UNC93A: variants seen among roughly 807,000 people sequenced by gnomAD.
UNC93A encodes the protein unc-93 homolog A, also known as N-acetylglucosamine transporter UNC93A.
UNC93A carries 43 observed loss-of-function variants against 47.5 expected under a neutral mutation model. The observed-to-expected ratio is 0.91, with a 90% CI of 0.71 to 1.17. The LOEUF is 1.17. Among genes scored for constraint, UNC93A ranks in the 50% most tolerant of loss-of-function variants. UNC93A has a pLI of 0.00. For missense variants in UNC93A, 605 were observed against 577.6 expected (o/e 1.05, Z -0.49); for synonymous variants, 280 against 258.0 (o/e 1.09, Z -0.82).
At chr6:167,305,332 G>A (rs1778353386) in intron 5 of UNC93A, among the ~76,000 whole-genome samples, 1 of 152,116 alleles carries the variant, frequency 6.6e-6, no homozygotes, top group Non-Finnish European at 1.5e-5. Context: ...TGGCGTTTTG[G>A]GGACAGCCCC....
At chr6:167,304,273 C>T (rs575073405) in intron 5 of UNC93A, 140 bp downstream of exon 5, 4 of 840,774 alleles carry the variant, frequency 4.8e-6, no homozygotes, top group Non-Finnish European at 7.6e-6. Flanking sequence ...CCTATGCTCC[C>T]AGTGCTACCA....
chr6:167,311,902 C>A (rs1778564890), intron 7 of UNC93A, among the ~76,000 whole-genome samples: 1 of 152,204 alleles, frequency 6.6e-6, no homozygotes, highest in South Asian at 2.1e-4. Flanking sequence ...ACGGCACATT[C>A]GTACAGCTAG....
intron 1 of UNC93A, among the ~76,000 whole-genome samples, chr6:167,292,537 C>T (rs1234522390): frequency 6.6e-6 from 1 of 152,138 alleles, no homozygotes; most frequent in Non-Finnish European, 1.5e-5. Context: ...GTAATGTTTC[C>T]TTTTGCTGAA....
chr6:167,298,525 CTT>C (rs373731342), intron 4 of UNC93A, among the ~76,000 whole-genome samples: 20 of 144,172 alleles, frequency 1.4e-4, no homozygotes, highest in African/African-American at 4.6e-4. Flanking sequence ...CTATAAGCCA[CTT>C]TTTTTTTTTT....
upstream of UNC93A, among the ~76,000 whole-genome samples, chr6:167,287,756 T>C: frequency 6.6e-6 from 1 of 152,068 alleles, no homozygotes; most frequent in Non-Finnish European, 1.5e-5. Context: ...TGTGTGTGTG[T>C]GTGCACTGTG....
intron 6 of UNC93A, 124 bp from the exon 7 acceptor site, chr6:167,307,655 C>T (rs570342716): frequency 1.3e-4 from 160 of 1,212,606 alleles, no homozygotes; most frequent in Middle Eastern, 2.2e-4. Context: ...ATGGTTGAGA[C>T]GGTTCCAGAG....
At chr6:167,284,384 A>G (rs907328459) in intron 1 of UNC93A, among the ~76,000 whole-genome samples, 10 of 152,168 alleles carry the variant, frequency 6.6e-5, no homozygotes, top group Non-Finnish European at 8.8e-5. Flanking sequence ...ATAAATCAAG[A>G]CACTCAGTTC....
rs567109207 is a variant in UNC93A, at chr6:167,282,166, G to A, written c.-51-9273G>A. Among the ~76,000 whole-genome samples the A allele has an allele frequency of 7.9e-5, 12 of 152,292 alleles. No individual in the cohort carries two copies. The South Asian group carries it at 2.3e-3, about 29-fold the overall frequency. ...ACGGTAGACAAGTTTCAGACAGGGTGATGTAGAGCTGGGGGATGCCTCAGT... is the reference window on the plus strand; with the variant it reads ...ACGGTAGACAAGTTTCAGACAGGGTAATGTAGAGCTGGGGGATGCCTCAGT... On this transcript the variant is annotated intron_variant, in intron 1 of 3. Transcript: ENST00000503433.
intron 5 of UNC93A, 41 bp downstream of exon 5, chr6:167,304,174 G>A (rs1583086727): frequency 1.9e-6 from 3 of 1,605,790 alleles, no homozygotes; most frequent in South Asian, 1.1e-5. Context: ...GGCCATGCGT[G>A]GCATCACTGC....
chr6:167,302,823 G>T (rs1778279117), intron 4 of UNC93A, among the ~76,000 whole-genome samples: 1 of 152,182 alleles, frequency 6.6e-6, no homozygotes, highest in African/African-American at 2.4e-5. Context: ...GTGACCTGAG[G>T]CTAGCTGCGG....
chr6:167,284,844 A>G (rs1277733148), intron 1 of UNC93A, among the ~76,000 whole-genome samples: 1 of 150,248 alleles, frequency 6.7e-6, no homozygotes, highest in Non-Finnish European at 1.5e-5. Context: ...GCTTGAGAAC[A>G]TTGGGAGATC....
chr6:167,293,394 G>A (rs556084800), intron 1 of UNC93A, among the ~76,000 whole-genome samples: 91 of 152,260 alleles, frequency 6.0e-4, no homozygotes, highest in African/African-American at 2.1e-3. Flanking sequence ...ACCCTGGTTC[G>A]AGGCCCCACC....
At chr6:167,296,822 C>CTCTGCCCCTGT (rs1458440069) in intron 3 of UNC93A, among the ~76,000 whole-genome samples, 22 of 152,204 alleles carry the variant, frequency 1.4e-4, no homozygotes, top group African/African-American at 5.3e-4. Flanking sequence ...GCTTTAAGCA[C>CTCTGCCCCTGT]AGGGCAGAGG....
chr6:167,293,955 C>T (rs779817078), intron 1 of UNC93A, among the ~76,000 whole-genome samples: 13 of 152,184 alleles, frequency 8.5e-5, no homozygotes, highest in African/African-American at 1.2e-4. Flanking sequence ...CCAGTGGTGG[C>T]GGCCTGCAGT....
intron 7 of UNC93A, among the ~76,000 whole-genome samples, chr6:167,308,348 G>T (rs1778460213): frequency 6.6e-6 from 1 of 152,282 alleles, no homozygotes; most frequent in Non-Finnish European, 1.5e-5. Flanking sequence ...GACGATGGGA[G>T]GTGGCAGTGT....
chr6:167,283,890 A>T (rs1256907821), intron 1 of UNC93A, among the ~76,000 whole-genome samples: 1 of 152,204 alleles, frequency 6.6e-6, no homozygotes, highest in Non-Finnish European at 1.5e-5. Context: ...TTCAAAGATA[A>T]ATTGAGTCTT....
chr6:167,294,590 C>T lies in UNC93A; in HGVS notation c.161C>T (p.Ser54Phe), dbSNP rs1777994870. Residue 54 changes from serine (S) to phenylalanine (F), a missense_variant, in exon 2 of 8, where the codon TCC (serine) becomes TTC (phenylalanine). Transcript: ENST00000230256. ...STLYGGMLLS[S>F]MFLPPLLIER... ...CTCTATGGAGGCATGCTCCTGTCCT[C>T]CATGTTCCTCCCACCGCTCCTCATC... 4 of 1,613,858 alleles carry T rather than the reference C, an allele frequency of 2.5e-6. No homozygotes were observed. The highest frequency in any genetic ancestry group is 2.7e-5 in the African/African-American group (2 of 74,860).
Position 167,305,830 on chromosome 6 carries a change from T to C in UNC93A, c.841-85T>C, listed in dbSNP as rs1778369769. On this transcript the variant is annotated intron_variant, in intron 5 of 7. Coordinates refer to ENST00000230256, the MANE Select transcript of UNC93A (RefSeq NM_018974.4). ...GGCCTGCTGGCCATCTCAGAGCAGA[T>C]GTTCTAAGCACCCGACTGCAGCTTT... The C allele has an allele frequency of 3.2e-6, 5 of 1,586,650 alleles. No homozygotes were observed. In the South Asian group the frequency reaches 4.5e-5, roughly 14 times the overall value.
intron 7 of UNC93A, among the ~76,000 whole-genome samples, chr6:167,309,249 A>T (rs1778489509): frequency 6.6e-6 from 1 of 152,192 alleles, no homozygotes. Flanking sequence ...TGTGTTTTCC[A>T]CAAGGAGATG....
Sources: gnomAD v4.1 joint callset for allele counts (sites outside exome capture counted in the v4.1 genomes callset) on GRCh38, gnomAD v4.1.1 for gene constraint, MANE v1.5 for transcripts, NCBI Gene and HGNC (gene_info 2026-07-23, HGNC 2026-07-21) for gene names.